SPIDR: variants seen among roughly 807,000 people sequenced by gnomAD.
SPIDR encodes the protein scaffold protein involved in DNA repair.
A neutral mutation model predicts 104.6 loss-of-function variants in SPIDR; 93 were observed. The observed-to-expected ratio is 0.89, with a 90% CI of 0.75 to 1.06. The LOEUF (loss-of-function observed/expected upper bound fraction) is 1.06, where lower values mean the gene tolerates loss of function less well. Among genes scored for constraint, SPIDR ranks in the 50% least tolerant of loss-of-function variants. The pLI, the probability that SPIDR is intolerant of heterozygous loss-of-function variation, is 0.00. For synonymous variants in SPIDR, 431 were observed against 416.9 expected, an observed-to-expected ratio of 1.03 and a Z score of -0.41; for missense variants, 1,154 against 1,111.2, an observed-to-expected ratio of 1.04 and a Z score of -0.55.
intron 8 of SPIDR, among the ~76,000 whole-genome samples, chr8:47,509,199 A>G (rs140728247): frequency 6.6e-6 from 1 of 152,120 alleles, no homozygotes; most frequent in Non-Finnish European, 1.5e-5. Context: ...TCGGCTTGTT[A>G]TGTTAGCCAG....
At chr8:47,396,130 G>C (rs971604778) in intron 5 of SPIDR, among the ~76,000 whole-genome samples, 1 of 152,170 alleles carries the variant, frequency 6.6e-6, no homozygotes. Flanking sequence ...TGAAGTATTT[G>C]TACTTATTTT....
intron 14 of SPIDR, among the ~76,000 whole-genome samples, chr8:47,702,393 A>G (rs1484729118): frequency 6.6e-6 from 1 of 152,174 alleles, no homozygotes; most frequent in East Asian, 1.9e-4. Context: ...GAAGAAAGGA[A>G]AGAGATGGAG....
intron 8 of SPIDR, among the ~76,000 whole-genome samples, chr8:47,557,638 A>T (rs532680932): frequency 6.6e-6 from 1 of 152,210 alleles, no homozygotes; most frequent in Non-Finnish European, 1.5e-5. Context: ...AACCCTTCCT[A>T]CACAGCCTGA....
chr8:47,334,844 CTT>C (rs1447573146), intron 5 of SPIDR, among the ~76,000 whole-genome samples: 1 of 152,066 alleles, frequency 6.6e-6, no homozygotes, highest in African/African-American at 2.4e-5. Context: ...ATTTTCCACT[CTT>C]TGAGCATTTT....
At chr8:47,647,655 G>GAGAGAGAGGGA (rs1299640663) in intron 10 of SPIDR, among the ~76,000 whole-genome samples, 1 of 50,168 alleles carries the variant, frequency 2.0e-5, no homozygotes, top group Non-Finnish European at 4.0e-5. Context: ...AGAGAGAGAG[G>GAGAGAGAGGGA]GAGAGAGAGA....
intron 19 of SPIDR, chr8:47,732,101 A>G (rs2085342299): frequency 1.4e-6 from 1 of 701,932 alleles, no homozygotes; most frequent in African/African-American, 1.7e-5. Flanking sequence ...AGTGCTTGAC[A>G]CCCGTTCCAA....
chr8:47,621,822 A>G (rs567014672), intron 10 of SPIDR, among the ~76,000 whole-genome samples: 1 of 152,274 alleles, frequency 6.6e-6, no homozygotes, highest in South Asian at 2.1e-4. Flanking sequence ...AAAATTAGCC[A>G]GGCATGATGG....
chr8:47,555,270 A>G (rs1790899805), intron 8 of SPIDR, among the ~76,000 whole-genome samples: 1 of 152,224 alleles, frequency 6.6e-6, no homozygotes, highest in Non-Finnish European at 1.5e-5. Flanking sequence ...ATAAAATAAC[A>G]ATTCCAAGAT....
intron 3 of SPIDR, among the ~76,000 whole-genome samples, chr8:47,287,760 A>G (rs2039140085): frequency 6.6e-6 from 1 of 152,112 alleles, no homozygotes; most frequent in Non-Finnish European, 1.5e-5. Context: ...GTTCTTTTTC[A>G]AGGTGCACTG....
chr8:47,601,470 C>T (rs1479415215), intron 10 of SPIDR, among the ~76,000 whole-genome samples: 1 of 152,142 alleles, frequency 6.6e-6, no homozygotes, highest in East Asian at 1.9e-4. Flanking sequence ...CCGAGGCGGG[C>T]GGATCTCGAG....
chr8:47,306,647 A>C (rs1288705695), intron 5 of SPIDR, among the ~76,000 whole-genome samples: 1 of 152,022 alleles, frequency 6.6e-6, no homozygotes, highest in Non-Finnish European at 1.5e-5. Flanking sequence ...CTGTTTCCTT[A>C]CTTATCTTCG....
At chr8:47,574,741 C>T (rs542232062) in intron 8 of SPIDR, among the ~76,000 whole-genome samples, 3 of 149,592 alleles carry the variant, frequency 2.0e-5, no homozygotes, top group Non-Finnish European at 4.4e-5. Flanking sequence ...GAGTAAGACT[C>T]GATCTTGAGA....
In SPIDR at chr8:47,609,770, G is replaced by C. The variant is rs919812311; in HGVS notation, c.1544+10574G>C. The stretch of plus-strand genomic sequence containing the variant: ...TTGATAATACCAACCTGTATCATTT[G>C]ACCCATGTTATCATTTATAGCTATA... On this transcript the variant is annotated intron_variant, in intron 10 of 19. Coordinates refer to ENST00000297423, the MANE Select transcript of SPIDR (RefSeq NM_001080394.4). Among the ~76,000 whole-genome samples, 6 of 152,104 alleles carry C rather than the reference G, an allele frequency of 3.9e-5. No individual in the cohort carries two copies. The South Asian group carries it at 1.2e-3, about 32-fold the overall frequency.
chr8:47,300,180 G>A (rs2041787139), intron 5 of SPIDR, among the ~76,000 whole-genome samples: 1 of 152,160 alleles, frequency 6.6e-6, no homozygotes, highest in Non-Finnish European at 1.5e-5. Flanking sequence ...TTAGTCTTGG[G>A]AGGGTGTATG....
chr8:47,721,327 C>T (rs2083359449), intron 16 of SPIDR, among the ~76,000 whole-genome samples: 1 of 152,092 alleles, frequency 6.6e-6, no homozygotes, highest in Non-Finnish European at 1.5e-5. Context: ...TCTAGTTGTT[C>T]TGGCACCATT....
At chr8:47,317,980 C>T (rs1325536824) in intron 5 of SPIDR, among the ~76,000 whole-genome samples, 2 of 152,062 alleles carry the variant, frequency 1.3e-5, no homozygotes, top group Non-Finnish European at 2.9e-5. Flanking sequence ...TAGATAAAAC[C>T]ACAAAGATGG....
At chr8:47,495,033 A>G (rs1040826947) in intron 8 of SPIDR, among the ~76,000 whole-genome samples, 1 of 151,910 alleles carries the variant, frequency 6.6e-6, no homozygotes, top group Non-Finnish European at 1.5e-5. Flanking sequence ...GTTGTAACCA[A>G]CTCTATTTCA....
intron 6 of SPIDR, among the ~76,000 whole-genome samples, chr8:47,401,398 T>C (rs2061865381): frequency 6.6e-6 from 1 of 152,100 alleles, no homozygotes. Context: ...GTAAAGACCA[T>C]TGAGGCTAGG....
intron 10 of SPIDR, among the ~76,000 whole-genome samples, chr8:47,665,776 T>C (rs1390900798): frequency 6.6e-6 from 1 of 152,220 alleles, no homozygotes; most frequent in African/African-American, 2.4e-5. Flanking sequence ...AATATCATAT[T>C]ATCAAGGAGA....
Sources: gnomAD v4.1 joint callset for allele counts (sites outside exome capture counted in the v4.1 genomes callset) on GRCh38, gnomAD v4.1.1 for gene constraint, MANE v1.5 for transcripts, NCBI Gene and HGNC (gene_info 2026-07-23, HGNC 2026-07-21) for gene names.